NDST1: variants seen among roughly 807,000 people sequenced by gnomAD.
The protein encoded by NDST1 is bifunctional heparan sulfate N-deacetylase/N-sulfotransferase 1.
NDST1 carries 35 observed loss-of-function variants against 92.8 expected under a neutral mutation model. The ratio of observed to expected loss-of-function variants is 0.38; its 90% CI spans 0.29 to 0.50. The LOEUF is 0.50. NDST1 is among the 20% of genes least tolerant of loss of function. The probability of loss-of-function intolerance (pLI) is 0.94; values close to 1 mark genes in which losing one functional copy is unlikely to be tolerated. For missense variants in NDST1, 822 were observed against 1,182.7 expected (o/e 0.69, Z 4.47); for synonymous variants, 493 against 500.3 (o/e 0.99, Z 0.19).
chr5:150,557,712 C>T lies in NDST1; in HGVS notation c.*4380C>T, dbSNP rs1755898301. The stretch of plus-strand genomic sequence containing the variant: ...CGTTGAGGCAACACTGGGTTCCTGG[C>T]TTGACAGCTGTGGGCTGGCTGCCCT... On this transcript the variant is annotated 3_prime_UTR_variant, in exon 15 of 15. Coordinates refer to ENST00000261797, the MANE Select transcript of NDST1 (RefSeq NM_001543.5). The surrounding 1 kb of genome is among the most constrained non-coding windows in gnomAD (Gnocchi z 4.7). The T allele has an allele frequency of 2.0e-5, 3 of 152,508 alleles. No homozygotes were observed. In the South Asian group the frequency reaches 6.2e-4, roughly 32 times the overall value. The allele number at this position is 152,508 out of a possible 1,614,324, so 9.4% of individuals were successfully genotyped here.
chr5:150,537,794 G>T (rs570409405), intron 6 of NDST1, among the ~76,000 whole-genome samples: 1 of 152,262 alleles, frequency 6.6e-6, no homozygotes, highest in East Asian at 1.9e-4. Context: ...GTGACTTGGG[G>T]GTCATCACAG....
In NDST1 at chr5:150,542,988, G is replaced by T; in HGVS notation, c.1970+17G>T. The T allele has an allele frequency of 6.2e-7, 1 of 1,613,668 alleles. No homozygotes were observed. Among genetic ancestry groups the T allele is most frequent in the Non-Finnish European group, 8.5e-7 (1 of 1,179,642 alleles). ...CATCGACTGGTGAGTTGGCCTTTCT[G>T]TCCACAGCGGGACGGGAAGGCCATC... is the stretch of plus-strand genomic sequence containing the variant. On this transcript the variant is annotated intron_variant, in intron 10 of 14. Coordinates refer to ENST00000261797, the MANE Select transcript of NDST1 (RefSeq NM_001543.5).
At chr5:150,540,380 G>T in intron 8 of NDST1, 116 bp downstream of exon 8, 1 of 1,137,070 alleles carries the variant, frequency 8.8e-7, no homozygotes, top group South Asian at 1.6e-5. Flanking sequence ...ACTCTCGCTC[G>T]AATGTAAACT....
Position 150,527,919 on chromosome 5 carries a change from C to T in NDST1, c.629C>T (p.Thr210Met), listed in dbSNP as rs767336817. The change falls in exon 3 of 15, where the codon ACG becomes ATG. Residue 210 changes from threonine (T) to methionine (M), a missense_variant. Thr to Met is a moderately conservative substitution (Grantham distance 81, BLOSUM62 -1). Coordinates refer to ENST00000261797, the MANE Select transcript of NDST1 (RefSeq NM_001543.5). ...INPKSPLLYV[T>M]RPSEVEKGVL... ...CCCAAGTCCCCGCTGCTCTACGTGA[C>T]GCGACCTAGCGAGGTGGAGAAAGGT... 2.4e-5 allele frequency: 38 copies of T among 1,614,090 alleles called. 1 individual carries two copies. Among genetic ancestry groups the T allele is most frequent in the Middle Eastern group, 3.3e-4 (2 of 6,084 alleles).
intron 6 of NDST1, 47 bp from the exon 7 acceptor site, chr5:150,539,181 C>G: frequency 6.6e-7 from 1 of 1,505,682 alleles, no homozygotes; most frequent in East Asian, 2.3e-5. Flanking sequence ...TCCCACCACC[C>G]TCATGCCAGA....
At chr5:150,505,788 A>AT (rs1753427336), upstream of NDST1, among the ~76,000 whole-genome samples, 1 of 151,898 alleles carries the variant, frequency 6.6e-6, no homozygotes. Flanking sequence ...TTAAAATTTT[A>AT]TTTTTTTTAG....
intron 11 of NDST1, among the ~76,000 whole-genome samples, chr5:150,546,558 G>A (rs1406992360): frequency 1.3e-5 from 2 of 152,264 alleles, no homozygotes; most frequent in Non-Finnish European, 2.9e-5. Context: ...TGGTGTTGGG[G>A]AGGGGGTGGG....
At chr5:150,552,533 G>C (rs2151306894) in intron 14 of NDST1, 1 of 169,050 alleles carries the variant, frequency 5.9e-6, no homozygotes, top group Admixed American at 5.6e-5. Flanking sequence ...TGTTGCCTAG[G>C]CTGGAGTGCA....
At chr5:150,505,058 G>A (rs775401469), upstream of NDST1, among the ~76,000 whole-genome samples, 4 of 152,206 alleles carry the variant, frequency 2.6e-5, no homozygotes, top group Non-Finnish European at 5.9e-5. Context: ...AATAAAGTTG[G>A]CATGTGATAC....
At chr5:150,504,301 C>T (rs1337387333), upstream of NDST1, among the ~76,000 whole-genome samples, 4 of 152,296 alleles carry the variant, frequency 2.6e-5, no homozygotes, top group South Asian at 8.3e-4. Flanking sequence ...GTTCCAAGGA[C>T]TTTTCTTAAC....
intron 1 of NDST1, among the ~76,000 whole-genome samples, chr5:150,516,975 TA>T (rs1753997606): frequency 8.4e-6 from 1 of 119,174 alleles, no homozygotes; most frequent in Non-Finnish European, 1.8e-5. Flanking sequence ...TGACATTTTC[TA>T]GTGTGTGTGT....
chr5:150,534,453 T>C (rs1201898152), intron 4 of NDST1, among the ~76,000 whole-genome samples: 1 of 152,216 alleles, frequency 6.6e-6, no homozygotes, highest in Non-Finnish European at 1.5e-5. Flanking sequence ...TATAGTAATA[T>C]GTCTGAGATA....
In NDST1 at chr5:150,521,179, G is replaced by A. The variant is rs951706770; in HGVS notation, c.-76G>A. 7.4e-7 allele frequency: 1 copy of A among 1,355,232 alleles called. No individual in the cohort carries two copies. The highest frequency in any genetic ancestry group is 2.2e-5 in the Admixed American group (1 of 45,050). 84.0% of individuals were successfully genotyped at this position (1,355,232 alleles called of 1,614,324 possible). A position where few individuals can be genotyped will look rare whatever the true frequency, so the allele number is the denominator to read the frequency against. ...ATTTGTTGGTCAGTGGACGATTCTC[G>A]TGTCTCCTCCTGTGTGGGGCCTTGG... On this transcript the variant is annotated 5_prime_UTR_variant, in exon 2 of 15. The change creates a new upstream start codon in the 5' untranslated region. Transcript: ENST00000261797. The surrounding 1 kb of genome is among the most constrained non-coding windows in gnomAD (Gnocchi z 5.9).
chr5:150,508,175 G>A lies in NDST1; in HGVS notation c.-439G>A, dbSNP rs757487466. 2 of 152,450 alleles carry A rather than the reference G, an allele frequency of 1.3e-5. No homozygotes were observed. Among genetic ancestry groups the A allele is most frequent in the Non-Finnish European group, 2.9e-5 (2 of 68,268 alleles). The allele number at this position is 152,450 out of a possible 1,614,324, so 9.4% of individuals were successfully genotyped here. ...CAGCCGTGTTAAGGAGAGGACATTCGAGAGGGCGTGGCGAAGTGAAGAGGA... is the reference window on the plus strand; with the variant it reads ...CAGCCGTGTTAAGGAGAGGACATTCAAGAGGGCGTGGCGAAGTGAAGAGGA... On this transcript the variant is annotated 5_prime_UTR_variant, in exon 1 of 15. Transcript: ENST00000261797.
intron 3 of NDST1, 62 bp downstream of exon 3, chr5:150,528,360 G>T: frequency 6.5e-7 from 1 of 1,530,660 alleles, no homozygotes. Context: ...CAGCCTTCAG[G>T]TGCCCCATCG....
chr5:150,510,634 C>T (rs1414464603), intron 1 of NDST1, among the ~76,000 whole-genome samples: 1 of 152,302 alleles, frequency 6.6e-6, no homozygotes, highest in Non-Finnish European at 1.5e-5. Context: ...AAGGTAAACT[C>T]GCAACTCAGG....
At chr5:150,518,138 C>G (rs1412109254) in intron 1 of NDST1, among the ~76,000 whole-genome samples, 1 of 152,184 alleles carries the variant, frequency 6.6e-6, no homozygotes, top group Non-Finnish European at 1.5e-5. Context: ...ATGCTCTTAT[C>G]TCCAAGCTGT....
Position 150,521,986 on chromosome 5 carries a change from CT to C in NDST1, c.513+220del, listed in dbSNP as rs1754257860. On this transcript the variant is annotated intron_variant, in intron 2 of 14. Coordinates refer to ENST00000261797, the MANE Select transcript of NDST1 (RefSeq NM_001543.5). The surrounding 1 kb of genome is among the most constrained non-coding windows in gnomAD (Gnocchi z 5.9). ...GGGAGCGTGCCAGGGGGATCGCCTGCTGTGCGTGGGGTCCAGCACACAGCAG... is the reference window on the plus strand; with the variant it reads ...GGGAGCGTGCCAGGGGGATCGCCTGCGTGCGTGGGGTCCAGCACACAGCAG... Among the ~76,000 whole-genome samples the C allele has an allele frequency of 6.6e-6, 1 of 152,184 alleles. No homozygotes were observed. The highest frequency in any genetic ancestry group is 2.1e-4 in the South Asian group (1 of 4,834).
rs377352682 is a variant in NDST1 at position 150,533,047 on chromosome 5, C to G, written c.1096+15C>G. The stretch of plus-strand genomic sequence containing the variant: ...CTTCCACACAGGTAAGTGGGCCTGC[C>G]CCTGCCCTCACTAGCAACTTCCAGG... On this transcript the variant is annotated intron_variant, in intron 4 of 14. Transcript: ENST00000261797. 2 of 1,611,702 alleles carry G rather than the reference C, an allele frequency of 1.2e-6. No individual in the cohort carries two copies. The highest frequency in any genetic ancestry group is 2.7e-5 in the African/African-American group (2 of 74,874).
Sources: gnomAD v4.1 joint callset for allele counts (sites outside exome capture counted in the v4.1 genomes callset) on GRCh38, gnomAD v4.1.1 for gene constraint, Gnocchi (gnomAD v3.1) non-coding constraint, MANE v1.5 for transcripts, NCBI Gene and HGNC (gene_info 2026-07-23, HGNC 2026-07-21) for gene names.